Variants in APPL2 observed in about 807,000 individuals in gnomAD.
APPL2 encodes adaptor protein, phosphotyrosine interacting with PH domain and leucine zipper 2.
APPL2 carries 84 observed loss-of-function variants against 92.7 expected under a neutral mutation model. The observed-to-expected ratio is 0.91, with a 90% CI of 0.76 to 1.09. APPL2 has a LOEUF of 1.09. Ranked by LOEUF, APPL2 falls within the 50% of genes least tolerant of loss-of-function variation. APPL2 has a pLI of 0.00. For synonymous variants in APPL2, 291 were observed against 291.0 expected, an observed-to-expected ratio of 1.00 and a Z score of 0.00; for missense variants, 736 against 824.5, an observed-to-expected ratio of 0.89 and a Z score of 1.31.
chr12:105,199,690 G>A (rs955553948), intron 9 of APPL2, among the ~76,000 whole-genome samples, 159 bp from the exon 10 acceptor site: 1 of 152,174 alleles, frequency 6.6e-6, no homozygotes, highest in African/African-American at 2.4e-5. Context: ...CTTAGGCCCT[G>A]AAAACTATGA....
intron 1 of APPL2, chr12:105,233,439 T>A: frequency 1.0e-6 from 1 of 980,446 alleles, no homozygotes; most frequent in Non-Finnish European, 1.2e-6. Flanking sequence ...TAAAAAGGAG[T>A]CCATGAATAG....
intron 1 of APPL2, among the ~76,000 whole-genome samples, chr12:105,232,590 C>T (rs1395166250): frequency 2.6e-5 from 4 of 152,124 alleles, no homozygotes; most frequent in Non-Finnish European, 5.9e-5. Context: ...CACAGCAAGA[C>T]TCTGTCTCTA....
intron 2 of APPL2, among the ~76,000 whole-genome samples, chr12:105,224,246 C>T (rs184585009): frequency 6.6e-6 from 1 of 152,256 alleles, no homozygotes; most frequent in Admixed American, 6.5e-5. Context: ...AGATAAGCCT[C>T]AATGTGACTG....
Position 105,236,094 on chromosome 12 carries a change from G to C in APPL2, c.-82C>G. On this transcript the variant is annotated 5_prime_UTR_variant, in exon 1 of 21. Transcript: ENST00000258530. ...GCGGCCGAGAGCACTCCCCGGCTCT[G>C]GGCTCAGGCGACGCGGCGGCCACTC... 9.7e-7 allele frequency: 1 copy of C among 1,036,000 alleles called. No homozygotes were observed. The highest frequency in any genetic ancestry group is 3.7e-4 in the Middle Eastern group (1 of 2,738). The allele number at this position is 1,036,000 out of a possible 1,614,324, so 64.2% of individuals were successfully genotyped here. A position where few individuals can be genotyped will look rare whatever the true frequency, so the allele number is the denominator to read the frequency against.
At position 105,229,034 on chromosome 12, in the gene APPL2, C is replaced by T. The variant is rs149550735; in HGVS notation, c.153+91G>A. On this transcript the variant is annotated intron_variant, in intron 2 of 20. Coordinates refer to ENST00000258530, the MANE Select transcript of APPL2 (RefSeq NM_018171.5). Reference sequence around the variant, plus strand: ...TTTCAAAATCTTAAATGATGTTTTTCGGATTCCAATTTCTCAACCTCTGAG... The same window carrying T: ...TTTCAAAATCTTAAATGATGTTTTTTGGATTCCAATTTCTCAACCTCTGAG... 3,505 of 1,105,926 alleles carry T rather than the reference C, an allele frequency of 3.2e-3. 12 individuals carry two copies. Among genetic ancestry groups the T allele is most frequent in the Non-Finnish European group, 3.7e-3 (2,845 of 768,690 alleles). The allele number at this position is 1,105,926 out of a possible 1,614,324, so 68.5% of individuals were successfully genotyped here.
At chr12:105,214,240 C>G (rs1185563026) in intron 4 of APPL2, among the ~76,000 whole-genome samples, 1 of 152,168 alleles carries the variant, frequency 6.6e-6, no homozygotes, top group East Asian at 1.9e-4. Context: ...TATTCACTCC[C>G]TACTAAAACA....
chr12:105,196,632 G>T (rs1346214253), intron 11 of APPL2, among the ~76,000 whole-genome samples: 1 of 151,902 alleles, frequency 6.6e-6, no homozygotes. Context: ...GTAGAGACGG[G>T]GTTTCTCCAT....
chr12:105,226,155 A>T (rs1304222379), intron 2 of APPL2, among the ~76,000 whole-genome samples: 2 of 152,224 alleles, frequency 1.3e-5, no homozygotes, highest in Admixed American at 1.3e-4. Flanking sequence ...TACTATCTTA[A>T]AATATATATA....
intron 5 of APPL2, among the ~76,000 whole-genome samples, chr12:105,208,443 C>T (rs1319307292): frequency 6.6e-6 from 1 of 152,164 alleles, no homozygotes; most frequent in Admixed American, 6.5e-5. Context: ...CCACATAGCG[C>T]TGAGGGTCTG....
At chr12:105,192,367 G>C (rs1732378) in intron 14 of APPL2, among the ~76,000 whole-genome samples, 55,690 of 151,770 alleles carry the variant, frequency 0.37, 11,146 homozygotes, top group Middle Eastern at 0.54. Context: ...TTGGAAAATG[G>C]AGAGTGGGTA....
intron 11 of APPL2, 91 bp from the exon 12 acceptor site, chr12:105,195,718 G>T: frequency 7.1e-7 from 1 of 1,417,130 alleles, no homozygotes; most frequent in Non-Finnish European, 9.9e-7. Context: ...TGGGGTGTGG[G>T]AGGAAAAGTG....
At chr12:105,174,497 A>G (rs1302650174) in intron 20 of APPL2, 49 bp from the exon 21 acceptor site, 17 of 1,579,482 alleles carry the variant, frequency 1.1e-5, no homozygotes, top group East Asian at 4.6e-5. Context: ...CTTAAGATGC[A>G]TTTAAACCCC....
rs1885245412 is a variant in APPL2, at chr12:105,174,157, C to T, written c.*157G>A. 2.4e-6 allele frequency: 2 copies of T among 848,672 alleles called. No individual in the cohort carries two copies. Among genetic ancestry groups the T allele is most frequent in the Admixed American group, 6.7e-5 (2 of 30,002 alleles). 52.6% of individuals were successfully genotyped at this position (848,672 alleles called of 1,614,324 possible). ...AACGCTGTCAACCATTTCTTAGTTT[C>T]CCTCCCAAGTCTCAGTATCAAGGCA... On this transcript the variant is annotated 3_prime_UTR_variant, in exon 21 of 21. Transcript: ENST00000258530.
intron 2 of APPL2, among the ~76,000 whole-genome samples, chr12:105,219,511 G>A (rs573321834): frequency 6.6e-6 from 1 of 152,338 alleles, no homozygotes; most frequent in Admixed American, 6.5e-5. Flanking sequence ...AGATAGGAAC[G>A]TCCAACAATT....
intron 3 of APPL2, 88 bp from the exon 4 acceptor site, chr12:105,217,228 A>G (rs1889764472): frequency 2.5e-6 from 2 of 799,858 alleles, no homozygotes; most frequent in Admixed American, 2.6e-5. Flanking sequence ...GACCCTCCAC[A>G]CCGACGTCCT....
At chr12:105,210,987 G>A (rs541213669) in intron 5 of APPL2, among the ~76,000 whole-genome samples, 30 of 152,226 alleles carry the variant, frequency 2.0e-4, no homozygotes, top group African/African-American at 5.8e-4. Flanking sequence ...TCTCTGTCCT[G>A]CTACCCTCAG....
intron 2 of APPL2, among the ~76,000 whole-genome samples, chr12:105,219,635 T>A (rs1889949215): frequency 6.6e-6 from 1 of 152,146 alleles, no homozygotes; most frequent in African/African-American, 2.4e-5. Flanking sequence ...GGTGTAAGGG[T>A]TTTAAAATCC....
chr12:105,215,559 TG>T (rs1433587172), intron 4 of APPL2, among the ~76,000 whole-genome samples: 2 of 152,218 alleles, frequency 1.3e-5, no homozygotes. Context: ...AATAATGGCT[TG>T]TTGAACTGGT....
At chr12:105,186,125 C>T (rs372891165) in intron 17 of APPL2, among the ~76,000 whole-genome samples, 46 of 152,280 alleles carry the variant, frequency 3.0e-4, no homozygotes, top group Middle Eastern at 3.4e-3. Flanking sequence ...CTTTTTAAGG[C>T]CAAATAGTAT....
Sources: allele counts gnomAD v4.1 joint callset (sites outside exome capture counted in the v4.1 genomes callset), GRCh38; gene constraint gnomAD v4.1.1; transcripts MANE v1.5; gene names NCBI Gene and HGNC (gene_info 2026-07-23, HGNC 2026-07-21).